SLCO6A1: variants seen among roughly 807,000 people sequenced by gnomAD.
SLCO6A1 encodes the protein solute carrier organic anion transporter family member 6A1.
A neutral mutation model predicts 72.7 loss-of-function variants in SLCO6A1; 65 were observed. The ratio of observed to expected loss-of-function variants is 0.89; its 90% confidence interval spans 0.73 to 1.10. SLCO6A1 has a LOEUF of 1.10. Ranked by LOEUF, SLCO6A1 falls within the 50% of genes least tolerant of loss-of-function variation. SLCO6A1 has a pLI of 0.00. For missense variants in SLCO6A1, 874 were observed against 872.6 expected, an observed-to-expected ratio of 1.00 and a Z score of -0.02; for synonymous variants, 314 against 298.2, an observed-to-expected ratio of 1.05 and a Z score of -0.55.
intron 10 of SLCO6A1, among the ~76,000 whole-genome samples, chr5:102,392,219 C>T (rs1023414440): frequency 1.3e-5 from 2 of 151,838 alleles, no homozygotes; most frequent in Non-Finnish European, 2.9e-5. Context: ...TATATGTCTT[C>T]CTCATATATT....
intron 4 of SLCO6A1, among the ~76,000 whole-genome samples, chr5:102,465,428 C>A (rs1182497968): frequency 6.6e-5 from 10 of 152,082 alleles, no homozygotes; most frequent in Non-Finnish European, 1.5e-4. Flanking sequence ...ATAATGAACA[C>A]TTTATTGTCT....
chr5:102,376,370 GTACACA>G (rs1415187078), intron 12 of SLCO6A1, among the ~76,000 whole-genome samples: 8 of 151,860 alleles, frequency 5.3e-5, no homozygotes, highest in African/African-American at 1.9e-4. Context: ...ATATGTACAC[GTACACA>G]TACACATACA....
chr5:102,489,457 A>G (rs962427620), intron 1 of SLCO6A1, among the ~76,000 whole-genome samples: 1 of 152,334 alleles, frequency 6.6e-6, no homozygotes, highest in Non-Finnish European at 1.5e-5. Context: ...AAAGCCCTGA[A>G]TAGGCATTTC....
intron 6 of SLCO6A1, 94 bp from the exon 7 acceptor site, chr5:102,438,855 T>G: frequency 1.2e-6 from 1 of 839,958 alleles, no homozygotes; most frequent in South Asian, 3.0e-5. Flanking sequence ...CTACAAAAAT[T>G]TACCATTCCC....
chr5:102,476,919 G>A (rs1751929147), intron 3 of SLCO6A1, among the ~76,000 whole-genome samples: 1 of 151,944 alleles, frequency 6.6e-6, no homozygotes, highest in Non-Finnish European at 1.5e-5. Context: ...TGATCTACCA[G>A]TACCAGAATC....
intron 11 of SLCO6A1, 128 bp from the exon 12 acceptor site, chr5:102,388,953 T>G: frequency 1.3e-5 from 10 of 769,904 alleles, no homozygotes; most frequent in Non-Finnish European, 1.8e-5. Flanking sequence ...AATTAGCTAA[T>G]AATTTATTTA....
chr5:102,380,077 T>G (rs989817815), intron 12 of SLCO6A1, among the ~76,000 whole-genome samples: 1 of 152,044 alleles, frequency 6.6e-6, no homozygotes, highest in Non-Finnish European at 1.5e-5. Flanking sequence ...TTAGCAACTT[T>G]GCTGAATTCA....
chr5:102,394,522 A>G (rs1007724294), intron 10 of SLCO6A1, among the ~76,000 whole-genome samples: 1 of 151,986 alleles, frequency 6.6e-6, no homozygotes, highest in Admixed American at 6.6e-5. Flanking sequence ...ATACAATATA[A>G]TATCATATAG....
intron 9 of SLCO6A1, among the ~76,000 whole-genome samples, chr5:102,403,417 A>G (rs1747504447): frequency 6.6e-6 from 1 of 152,180 alleles, no homozygotes; most frequent in Non-Finnish European, 1.5e-5. Context: ...AAAATGAAAA[A>G]AGTAAAAATA....
intron 6 of SLCO6A1, among the ~76,000 whole-genome samples, chr5:102,439,659 T>G (rs1749731895): frequency 6.6e-6 from 1 of 152,146 alleles, no homozygotes; most frequent in Non-Finnish European, 1.5e-5. Context: ...CTACACTACA[T>G]TAAACACCCC....
At chr5:102,463,897 A>AG (rs1561483540) in intron 4 of SLCO6A1, among the ~76,000 whole-genome samples, 2 of 15,758 alleles carry the variant, frequency 1.3e-4, no homozygotes. Context: ...AAAAAAGAAG[A>AG]AAAAAAAAAA....
Position 102,498,746 on chromosome 5 carries a change from C to T in SLCO6A1, c.99G>A (p.Arg33=). The T allele has an allele frequency of 6.2e-7, 1 of 1,614,148 alleles. No individual in the cohort carries two copies. Among genetic ancestry groups the T allele is most frequent in the Non-Finnish European group, 8.5e-7 (1 of 1,180,040 alleles). The change falls in exon 1 of 14, where the codon AGG becomes AGA. Residue 33 remains arginine (R), a synonymous_variant. Transcript: ENST00000506729. The part of the protein sequence containing the change: ...EAARAQPAKD[R]RAKGTPKSSK... ...AGGACTTCGGGGTTCCCTTGGCCCTCCTGTCCTTAGCAGGCTGGGCCCGCG... is the reference window on the plus strand; with the variant it reads ...AGGACTTCGGGGTTCCCTTGGCCCTTCTGTCCTTAGCAGGCTGGGCCCGCG...
intron 4 of SLCO6A1, among the ~76,000 whole-genome samples, chr5:102,471,263 C>A (rs141197271): frequency 6.6e-6 from 1 of 152,016 alleles, no homozygotes; most frequent in Non-Finnish European, 1.5e-5. Flanking sequence ...CTCCTTACCA[C>A]CTATTTTCCA....
chr5:102,414,120 T>C (rs1748140235), intron 8 of SLCO6A1, among the ~76,000 whole-genome samples: 1 of 152,170 alleles, frequency 6.6e-6, no homozygotes, highest in Non-Finnish European at 1.5e-5. Context: ...TTCTGGATTA[T>C]GTGTTTGGTG....
intron 7 of SLCO6A1, among the ~76,000 whole-genome samples, chr5:102,426,098 C>G (rs1748877177): frequency 6.6e-6 from 1 of 152,084 alleles, no homozygotes; most frequent in African/African-American, 2.4e-5. Context: ...CCCTTCCTTA[C>G]AGCTTATACA....
chr5:102,424,839 T>G (rs1216635632), intron 7 of SLCO6A1, among the ~76,000 whole-genome samples: 1 of 152,138 alleles, frequency 6.6e-6, no homozygotes, highest in African/African-American at 2.4e-5. Flanking sequence ...CAGACTAATA[T>G]TCCTGATGAA....
At chr5:102,373,647 A>G (rs1252601980) in intron 12 of SLCO6A1, among the ~76,000 whole-genome samples, 153 bp from the exon 13 acceptor site, 2 of 151,742 alleles carry the variant, frequency 1.3e-5, no homozygotes, top group African/African-American at 4.8e-5. Context: ...ATAAAATTAT[A>G]TTAAGTTACT....
At chr5:102,490,357 C>T (rs1752616812) in intron 1 of SLCO6A1, among the ~76,000 whole-genome samples, 1 of 152,002 alleles carries the variant, frequency 6.6e-6, no homozygotes, top group African/African-American at 2.4e-5. Context: ...ACATTTTATC[C>T]CATATGTATG....
intron 6 of SLCO6A1, among the ~76,000 whole-genome samples, chr5:102,456,755 T>C (rs1169068207): frequency 2.0e-5 from 3 of 152,128 alleles, no homozygotes; most frequent in Admixed American, 6.5e-5. Context: ...AAAACTACTT[T>C]AAAGTTCATA....
Sources: gnomAD v4.1 joint callset for allele counts (sites outside exome capture counted in the v4.1 genomes callset) on GRCh38, gnomAD v4.1.1 for gene constraint, MANE v1.5 for transcripts, NCBI Gene and HGNC (gene_info 2026-07-23, HGNC 2026-07-21) for gene names.